The following ACOXL variants were observed in gnomAD, a reference collection of about 807,000 sequenced individuals.
The protein encoded by ACOXL is acyl-coenzyme A oxidase-like protein.
ACOXL carries 70 observed loss-of-function variants against 71.9 expected under a neutral mutation model. The ratio of observed to expected loss-of-function variants is 0.97; its 90% CI spans 0.80 to 1.19. The LOEUF (loss-of-function observed/expected upper bound fraction) is 1.19, where lower values mean the gene tolerates loss of function less well. Ranked by LOEUF, ACOXL falls within the 50% of genes most tolerant of loss-of-function variation. The pLI, the probability that ACOXL is intolerant of heterozygous loss-of-function variation, is 0.00. For missense variants in ACOXL, 703 were observed against 736.3 expected, an observed-to-expected ratio of 0.95 and a Z score of 0.52; for synonymous variants, 253 against 281.6, an observed-to-expected ratio of 0.90 and a Z score of 1.02.
chr2:110,883,026 G>A (rs1289241603), intron 10 of ACOXL, among the ~76,000 whole-genome samples: 1 of 151,468 alleles, frequency 6.6e-6, no homozygotes, highest in Non-Finnish European at 1.5e-5. Flanking sequence ...CAACAACTTT[G>A]TGCCAGTTTC....
At chr2:110,766,217 T>C (rs188449616) in intron 1 of ACOXL, among the ~76,000 whole-genome samples, 1 of 152,370 alleles carries the variant, frequency 6.6e-6, no homozygotes, top group Admixed American at 6.5e-5. Context: ...GTAAATTCTT[T>C]GTATGTGTTC....
chr2:110,788,028 G>T (rs545955865), intron 3 of ACOXL, among the ~76,000 whole-genome samples: 1 of 152,162 alleles, frequency 6.6e-6, no homozygotes, highest in African/African-American at 2.4e-5. Flanking sequence ...TACATAATAG[G>T]TGTCAATACT....
intron 16 of ACOXL, among the ~76,000 whole-genome samples, chr2:111,086,195 C>T (rs895922500): frequency 1.3e-5 from 2 of 152,110 alleles, no homozygotes; most frequent in African/African-American, 2.4e-5. Context: ...GAAAGGACAC[C>T]TCCCCAACTC....
intron 9 of ACOXL, among the ~76,000 whole-genome samples, chr2:110,834,496 A>T (rs538346435): frequency 6.6e-6 from 1 of 152,364 alleles, no homozygotes; most frequent in Admixed American, 6.5e-5. Flanking sequence ...AACTACCTGG[A>T]GTGAATTCAG....
At chr2:110,892,598 C>G (rs1182374938) in intron 10 of ACOXL, among the ~76,000 whole-genome samples, 2 of 152,078 alleles carry the variant, frequency 1.3e-5, no homozygotes, top group Admixed American at 6.5e-5. Flanking sequence ...TTTTTTTTCT[C>G]TTAGGAAAAT....
intron 11 of ACOXL, among the ~76,000 whole-genome samples, chr2:110,927,274 A>G (rs1020349610): frequency 9.2e-5 from 14 of 152,130 alleles, no homozygotes; most frequent in African/African-American, 3.4e-4. Context: ...CCCCTCCCCC[A>G]ACACATGGGA....
intron 12 of ACOXL, among the ~76,000 whole-genome samples, chr2:110,978,596 G>C (rs188268324): frequency 6.6e-6 from 1 of 152,114 alleles, no homozygotes; most frequent in Non-Finnish European, 1.5e-5. Flanking sequence ...TAGGGCTGTT[G>C]ATTTGAATCT....
chr2:110,737,129 A>G lies in ACOXL; in HGVS notation c.-23+4355A>G, dbSNP rs1033868320. On this transcript the variant is annotated intron_variant, in intron 1 of 17. Coordinates refer to ENST00000439055, the MANE Select transcript of ACOXL (RefSeq NM_001142807.4). Reference sequence around the variant, plus strand: ...CTACAGCTTTCTCTTTTGAAATTGAATTCTTATTTTCATTGATGAAATGTA... The same window carrying G: ...CTACAGCTTTCTCTTTTGAAATTGAGTTCTTATTTTCATTGATGAAATGTA... 2.0e-5 allele frequency among the ~76,000 whole-genome samples: 3 copies of G among 152,210 alleles called. No homozygotes were observed. The South Asian group carries it at 6.2e-4, about 32-fold the overall frequency.
At chr2:111,088,376 A>G (rs2068332823) in intron 16 of ACOXL, among the ~76,000 whole-genome samples, 1 of 152,220 alleles carries the variant, frequency 6.6e-6, no homozygotes, top group Admixed American at 6.5e-5. Context: ...CACAATAGCA[A>G]AGACATGCAA....
chr2:110,954,276 C>G (rs1233596723), intron 12 of ACOXL, among the ~76,000 whole-genome samples: 3 of 152,098 alleles, frequency 2.0e-5, no homozygotes, highest in Non-Finnish European at 4.4e-5. Flanking sequence ...CAACATTTGC[C>G]TATTTTTAAA....
intron 16 of ACOXL, among the ~76,000 whole-genome samples, chr2:111,054,875 GT>G (rs2066457964): frequency 6.6e-6 from 1 of 152,118 alleles, no homozygotes; most frequent in Non-Finnish European, 1.5e-5. Flanking sequence ...CAGAATGAGG[GT>G]TTTCACAAGA....
Position 110,933,629 on chromosome 2 carries a change from G to A in ACOXL, c.1046G>A (p.Cys349Tyr). 1 of 1,611,348 alleles carries A rather than the reference G, an allele frequency of 6.2e-7. No homozygotes were observed. ...CGCTGCCTGCAGGACTGCCGCGAGT[G>A]CACTGGAGGCATGGTGAGCCCCAAG... ...NIRCLQDCRECTGGMVVGREL... is the reference protein window; with the variant it reads ...NIRCLQDCREYTGGMVVGREL... Residue 349 changes from cysteine (C) to tyrosine (Y), a missense_variant, in exon 12 of 18, where the codon TGC becomes TAC. By Grantham distance (194) the Cys-to-Tyr change is radical. Transcript: ENST00000439055.
chr2:110,929,361 A>C (rs1574161906), intron 11 of ACOXL, among the ~76,000 whole-genome samples: 1 of 152,274 alleles, frequency 6.6e-6, no homozygotes, highest in Middle Eastern at 3.4e-3. Flanking sequence ...GGAACTTTGA[A>C]CTTGAGGGAG....
intron 9 of ACOXL, among the ~76,000 whole-genome samples, chr2:110,806,645 G>A (rs1457794466): frequency 6.6e-6 from 1 of 152,248 alleles, no homozygotes; most frequent in Admixed American, 6.5e-5. Context: ...TGTGATAGCA[G>A]TCTCTGCACA....
chr2:110,771,671 C>CACGCACACACACACAG (rs1318764114), intron 2 of ACOXL, among the ~76,000 whole-genome samples: 1 of 152,216 alleles, frequency 6.6e-6, no homozygotes, highest in Non-Finnish European at 1.5e-5. Flanking sequence ...GCAGAGTGTG[C>CACGCACACACACACAG]ACGCACACAC....
At chr2:110,786,332 A>G (rs1055265655) in intron 3 of ACOXL, among the ~76,000 whole-genome samples, 1 of 152,150 alleles carries the variant, frequency 6.6e-6, no homozygotes, top group Non-Finnish European at 1.5e-5. Flanking sequence ...AAAAACAAAG[A>G]TATCTGTGAG....
At chr2:110,973,036 A>G (rs183191893) in intron 12 of ACOXL, among the ~76,000 whole-genome samples, 92 of 152,384 alleles carry the variant, frequency 6.0e-4, no homozygotes, top group African/African-American at 2.1e-3. Flanking sequence ...CCAAGTTCCC[A>G]GATGAAATCT....
chr2:110,825,688 A>G (rs1168673271), intron 9 of ACOXL, among the ~76,000 whole-genome samples: 1 of 152,116 alleles, frequency 6.6e-6, no homozygotes, highest in African/African-American at 2.4e-5. Context: ...CCTCCTGGTG[A>G]GCATTTATGC....
chr2:110,824,349 A>C (rs1267236548), intron 9 of ACOXL, among the ~76,000 whole-genome samples: 1 of 152,170 alleles, frequency 6.6e-6, no homozygotes, highest in Non-Finnish European at 1.5e-5. Flanking sequence ...TTGCATTTTT[A>C]AATAAATTTT....
Sources: allele counts gnomAD v4.1 joint callset (sites outside exome capture counted in the v4.1 genomes callset), GRCh38; gene constraint gnomAD v4.1.1; transcripts MANE v1.5; gene names NCBI Gene and HGNC (gene_info 2026-07-23, HGNC 2026-07-21).